Variants in DYSF observed in about 807,000 individuals in gnomAD.
DYSF encodes dystrophy-associated fer-1-like 1.
In DYSF, 212 loss-of-function variants were observed where a neutral mutation model predicts 274.9. The observed-to-expected ratio is 0.77, with a 90% CI of 0.69 to 0.86. DYSF has a LOEUF of 0.86. Among genes scored for constraint, DYSF ranks in the 40% least tolerant of loss-of-function variants. The pLI is 0.00. For missense variants in DYSF, 2,666 were observed against 2,783.2 expected, an observed-to-expected ratio of 0.96 and a Z score of 0.95; for synonymous variants, 1,091 against 1,078.7, an observed-to-expected ratio of 1.01 and a Z score of -0.22.
At chr2:71,569,622 C>G (rs188260086) in intron 26 of DYSF, among the ~76,000 whole-genome samples, 198 bp from the exon 27 acceptor site, 1 of 152,076 alleles carries the variant, frequency 6.6e-6, no homozygotes, top group African/African-American at 2.4e-5. Context: ...CTTTTGTCCC[C>G]GATTATCTCG....
rs1462969513 is a variant in DYSF, at chr2:71,643,980, G to A, written c.4543G>A (p.Asp1515Asn). The change falls in exon 42 of 56, where the codon GAT (aspartate) becomes AAT (asparagine). Residue 1515 changes from aspartate to asparagine, a missense_variant. Physicochemically the swap from Asp to Asn is conservative, Grantham distance 23. This residue lies in a region of DYSF where 1,460 missense variants were observed against 1,502.1 expected (regional missense o/e 0.97). Coordinates refer to ENST00000410020, the MANE Select transcript of DYSF (RefSeq NM_001130987.2). ...ACCCACTCAGGAGGAAGAGTTCATC[G>A]ATTGGTGGAGCAAATTCTTTGCCTC... is the stretch of plus-strand genomic sequence containing the variant. ...PSSPHEEEFI[D>N]WWSKFFASIG... The A allele has an allele frequency of 1.2e-6, 2 of 1,611,014 alleles. No homozygotes were observed. Among genetic ancestry groups the A allele is most frequent in the Non-Finnish European group, 8.5e-7 (1 of 1,178,586 alleles).
At chr2:71,547,588 G>A (rs1166280751) in intron 17 of DYSF, among the ~76,000 whole-genome samples, 3 of 152,184 alleles carry the variant, frequency 2.0e-5, no homozygotes, top group African/African-American at 7.2e-5. Context: ...GCAGTGAGCC[G>A]AGATTGGGCC....
intron 39 of DYSF, 107 bp downstream of exon 39, chr2:71,612,913 G>A: frequency 7.3e-7 from 1 of 1,376,998 alleles, no homozygotes; most frequent in Non-Finnish European, 9.8e-7. Context: ...ACGGAGACCT[G>A]AATGAGAAGT....
intron 3 of DYSF, among the ~76,000 whole-genome samples, chr2:71,499,993 A>G (rs2084813011): frequency 6.6e-6 from 1 of 152,076 alleles, no homozygotes; most frequent in Non-Finnish European, 1.5e-5. Flanking sequence ...GCCACTTGCC[A>G]GGCCCCTGGT....
At position 71,551,176 on chromosome 2, in the gene DYSF, G is replaced by A. The variant is rs373868173; in HGVS notation, c.1692+20G>A. ...GGCAAGGTAAGCCGGCTGGAGCCCTGGCAAGGGCAGGATGCCAGATGCCCA... is the reference window on the plus strand; with the variant it reads ...GGCAAGGTAAGCCGGCTGGAGCCCTAGCAAGGGCAGGATGCCAGATGCCCA... On this transcript the variant is annotated intron_variant, in intron 18 of 55. Transcript: ENST00000410020. 6.2e-7 allele frequency: 1 copy of A among 1,611,292 alleles called. No homozygotes were observed. Among genetic ancestry groups the A allele is most frequent in the Non-Finnish European group, 8.5e-7 (1 of 1,177,496 alleles).
intron 23 of DYSF, among the ~76,000 whole-genome samples, chr2:71,563,372 A>G (rs1217384655): frequency 7.9e-5 from 12 of 152,152 alleles, no homozygotes; most frequent in East Asian, 3.9e-4. Context: ...CTGGGTGGAG[A>G]CCTGGGGCTC....
At chr2:71,526,418 T>C in intron 13 of DYSF, 72 bp downstream of exon 13, 1 of 261,504 alleles carries the variant, frequency 3.8e-6, no homozygotes, top group Non-Finnish European at 7.0e-6. Flanking sequence ...GGGTGGGCGA[T>C]GGCGGGCGGG....
intron 17 of DYSF, among the ~76,000 whole-genome samples, chr2:71,549,065 G>A (rs1231205234): frequency 6.6e-6 from 1 of 152,190 alleles, no homozygotes; most frequent in Non-Finnish European, 1.5e-5. Context: ...TTCGGGTCTG[G>A]TTTTCAACTG....
intron 1 of DYSF, chr2:71,454,159 G>T: frequency 7.1e-7 from 1 of 1,408,300 alleles, no homozygotes; most frequent in Non-Finnish European, 9.9e-7. Flanking sequence ...TCTCAACCCT[G>T]GAGAGCACCT....
chr2:71,618,573 T>TGGGGTACAGTTGTGTGTGTGTGGTAGAG (rs2093997827), intron 40 of DYSF, among the ~76,000 whole-genome samples: 2 of 91,680 alleles, frequency 2.2e-5, no homozygotes, highest in African/African-American at 7.0e-5. Flanking sequence ...TGTGTTTGTG[T>TGGGGTACAGTTGTGTGTGTGTGGTAGAG]GGGGTAGAGT....
At chr2:71,612,238 G>T (rs1362027798) in intron 38 of DYSF, among the ~76,000 whole-genome samples, 1 of 152,226 alleles carries the variant, frequency 6.6e-6, no homozygotes, top group African/African-American at 2.4e-5. Context: ...TGTGTTCAAA[G>T]TGCTTTTGGG....
chr2:71,553,617 C>T, intron 20 of DYSF, among the ~76,000 whole-genome samples, 190 bp from the exon 21 acceptor site: 1 of 152,204 alleles, frequency 6.6e-6, no homozygotes, highest in Non-Finnish European at 1.5e-5. Context: ...GGGTACGGGC[C>T]ACTCCACGTG....
intron 30 of DYSF, among the ~76,000 whole-genome samples, chr2:71,581,152 A>C (rs2092882296): frequency 6.6e-6 from 1 of 152,216 alleles, no homozygotes; most frequent in Non-Finnish European, 1.5e-5. Context: ...AACCTGCTCC[A>C]GTGTTCTCTG....
chr2:71,470,701 G>T (rs2081953677), intron 1 of DYSF, among the ~76,000 whole-genome samples: 1 of 144,182 alleles, frequency 6.9e-6, no homozygotes, highest in South Asian at 2.3e-4. Context: ...AAAGAAAAGA[G>T]CTTTCTCTTC....
chr2:71,577,231 C>CACACACCAACACACACTCAT (rs1400344859), intron 30 of DYSF: 1 of 153,664 alleles, frequency 6.5e-6, no homozygotes, highest in Non-Finnish European at 1.5e-5. Context: ...CACACCAGCA[C>CACACACCAACACACACTCAT]ACACACCAAC....
chr2:71,574,051 C>T (rs1340881003), intron 29 of DYSF, 147 bp from the exon 30 acceptor site: 4 of 949,070 alleles, frequency 4.2e-6, no homozygotes, highest in African/African-American at 3.2e-5. Flanking sequence ...CTCTAGGTGG[C>T]CCTCCCAGGT....
intron 22 of DYSF, among the ~76,000 whole-genome samples, chr2:71,556,508 G>A (rs1209768356): frequency 6.6e-6 from 1 of 152,174 alleles, no homozygotes; most frequent in African/African-American, 2.4e-5. Context: ...GGGGTGTGGA[G>A]GCCCAGCAGA....
chr2:71,686,297 G>T (rs546372790), intron 55 of DYSF, among the ~76,000 whole-genome samples, 157 bp from the exon 56 acceptor site: 1 of 152,178 alleles, frequency 6.6e-6, no homozygotes, highest in Admixed American at 6.5e-5. Context: ...AGGGCGAGGC[G>T]TGGGCAGGTG....
chr2:71,456,910 G>A lies in DYSF; in HGVS notation c.88+2824G>A, dbSNP rs1484291138. ...GGCACTCGGACCTGAGCCAGCCAGG[G>A]AGGGTGGTGCCTGGGGTCCCCAGCA... On this transcript the variant is annotated intron_variant, in intron 1 of 54. Coordinates refer to the DYSF transcript ENST00000258104. Among the ~76,000 whole-genome samples, 3 of 152,204 alleles carry A rather than the reference G, an allele frequency of 2.0e-5. No homozygotes were observed. The East Asian group carries it at 5.8e-4, about 29-fold the overall frequency.
Sources: allele counts gnomAD v4.1 joint callset (sites outside exome capture counted in the v4.1 genomes callset), GRCh38; gene constraint gnomAD v4.1.1; regional missense constraint gnomAD v4.1.1; transcripts MANE v1.5; gene names NCBI Gene and HGNC (gene_info 2026-07-23, HGNC 2026-07-21).